ALMS1: variants seen among roughly 807,000 people sequenced by gnomAD.
The protein encoded by ALMS1 is ALMS1 centrosome and basal body associated protein, also known as centrosome-associated protein ALMS1.
ALMS1 carries 271 observed loss-of-function variants against 352.2 expected under a neutral mutation model. That is an observed-to-expected ratio of 0.77 (90% CI 0.70 to 0.85). The LOEUF is 0.85. Ranked by LOEUF, ALMS1 falls within the 40% of genes least tolerant of loss-of-function variation. ALMS1 has a pLI of 0.00. For synonymous variants in ALMS1, 1,865 were observed against 1,761.2 expected (o/e 1.06, Z -1.48); for missense variants, 5,445 against 4,870.7 (o/e 1.12, Z -3.51).
chr2:73,421,162 G>A (rs1671277053), intron 3 of ALMS1, among the ~76,000 whole-genome samples: 1 of 152,118 alleles, frequency 6.6e-6, no homozygotes, highest in South Asian at 2.1e-4. Flanking sequence ...AAATATTTAA[G>A]GAGATGCTGA....
chr2:73,419,228 G>C lies in ALMS1; in HGVS notation c.556G>C (p.Asp186His), dbSNP rs1044951470. The change falls in exon 3 of 23, where the codon GAC becomes CAC. Residue 186 changes from aspartate to histidine, a missense_variant. By Grantham distance (81) the Asp-to-His change is moderately conservative (BLOSUM62 -1). Transcript: ENST00000613296. ...GAGAACGGAAGATACTGAAGTGACA[G>C]ACTTCCCCTCTCTGGAGGAGGGCAT... ...NVRTEDTEVT[D>H]FPSLEEGILT... 1 of 1,613,866 alleles carries C rather than the reference G, an allele frequency of 6.2e-7. No homozygotes were observed. Among genetic ancestry groups the C allele is most frequent in the African/African-American group, 1.3e-5 (1 of 74,932 alleles).
At position 73,464,088 on chromosome 2, in the gene ALMS1, C is replaced by G. The variant is rs1305540262; in HGVS notation, c.7674+8793C>G. Among the ~76,000 whole-genome samples the G allele has an allele frequency of 2.0e-5, 3 of 152,312 alleles. No individual in the cohort carries two copies. In the East Asian group the frequency reaches 5.8e-4, roughly 29 times the overall value. On this transcript the variant is annotated intron_variant, in intron 9 of 22. Transcript: ENST00000613296. ...GAAAAAGAGGGAATCCTCCCTAACT[C>G]ATTTTATGAGGCCAGCATCATTCTG...
chr2:73,492,121 T>A (rs1408347641), intron 10 of ALMS1, among the ~76,000 whole-genome samples: 2 of 152,168 alleles, frequency 1.3e-5, no homozygotes, highest in African/African-American at 4.8e-5. Flanking sequence ...GTTCGTTAGA[T>A]TTATATTATT....
Position 73,600,877 on chromosome 2 carries a change from T to C in ALMS1, c.11868T>C (p.His3956=), listed in dbSNP as rs370489767. ...TAAAAAAGAACAAGAAGAATTCCCA[T>C]GAAGGTCAGTTTCTCATTCCAGATC... ...RKLKKNKKNS[H]EGVSWFVPVE... is the part of the protein sequence containing the mutation. The change falls in exon 18 of 23, where the codon CAT becomes CAC. Residue 3956 remains histidine, a synonymous_variant. Transcript: ENST00000613296. The C allele has an allele frequency of 2.1e-5, 34 of 1,613,384 alleles. No homozygotes were observed. The African/African-American group carries it at 3.3e-4, about 16-fold the overall frequency.
At chr2:73,570,635 A>T (rs17009159) in intron 15 of ALMS1, among the ~76,000 whole-genome samples, 46,136 of 152,034 alleles carry the variant, frequency 0.3, 8,562 homozygotes, top group African/African-American at 0.53. Context: ...TTTCAAGCCA[A>T]TGGAAATGAC....
At chr2:73,601,057 C>G in intron 18 of ALMS1, 138 bp from the exon 19 acceptor site, 1 of 1,468,130 alleles carries the variant, frequency 6.8e-7, no homozygotes, top group East Asian at 2.3e-5. Context: ...GCAGCAAAAC[C>G]AGACTCAAGG....
chr2:73,451,662 A>G lies in ALMS1; in HGVS notation c.5135A>G (p.Tyr1712Cys). The G allele has an allele frequency of 6.2e-7, 1 of 1,613,776 alleles. No individual in the cohort carries two copies. Among genetic ancestry groups the G allele is most frequent in the South Asian group, 1.1e-5 (1 of 91,058 alleles). Residue 1712 changes from tyrosine (Y) to cysteine (C), a missense_variant, in exon 8 of 23, where the codon TAC (tyrosine) becomes TGC (cysteine). Physicochemically the swap from Tyr to Cys is radical, Grantham distance 194. Transcript: ENST00000613296. ...TETPSVSSSL[Y>C]SYREKPIVFY... The stretch of plus-strand genomic sequence containing the variant: ...ACACCATCAGTATCCTCTAGTTTAT[A>G]CTCATATAGAGAGAAGCCCATTGTC...
At chr2:73,402,273 T>C (rs1350620940) in intron 1 of ALMS1, among the ~76,000 whole-genome samples, 27 of 142,240 alleles carry the variant, frequency 1.9e-4, no homozygotes, top group African/African-American at 7.6e-4. Context: ...TCTCTCTCTT[T>C]TTTTTTTTTT....
At chr2:73,536,873 C>T (rs1473373580) in intron 12 of ALMS1, among the ~76,000 whole-genome samples, 2 of 152,184 alleles carry the variant, frequency 1.3e-5, no homozygotes, top group African/African-American at 4.8e-5. Flanking sequence ...ATGGCCAAAT[C>T]CCACTAAGCA....
intron 20 of ALMS1, 27 bp downstream of exon 20, chr2:73,602,395 T>A (rs1490459171): frequency 6.2e-7 from 1 of 1,613,390 alleles, no homozygotes; most frequent in Non-Finnish European, 8.5e-7. Context: ...CACTTTCCTG[T>A]GAGTGGAATA....
At chr2:73,479,788 A>G (rs1672657351) in intron 9 of ALMS1, among the ~76,000 whole-genome samples, 1 of 152,172 alleles carries the variant, frequency 6.6e-6, no homozygotes, top group Non-Finnish European at 1.5e-5. Context: ...TTTTTGAAAG[A>G]CAGGCCACAC....
At chr2:73,455,064 G>A in intron 8 of ALMS1, 98 bp from the exon 9 acceptor site, 2 of 1,303,808 alleles carry the variant, frequency 1.5e-6, no homozygotes, top group Non-Finnish European at 2.2e-6. Context: ...CATTGCAGTG[G>A]GTATTAAATT....
At chr2:73,439,034 TTTTC>T (rs905736015) in intron 7 of ALMS1, among the ~76,000 whole-genome samples, 1 of 151,880 alleles carries the variant, frequency 6.6e-6, no homozygotes, top group Non-Finnish European at 1.5e-5. Context: ...TTTTCTTCTT[TTTTC>T]TTCTTCTTCT....
chr2:73,499,639 A>T (rs1326875220), intron 10 of ALMS1, among the ~76,000 whole-genome samples: 2 of 152,086 alleles, frequency 1.3e-5, no homozygotes, highest in East Asian at 3.8e-4. Flanking sequence ...TATCTCTTTT[A>T]TCCTAGCCTT....
At chr2:73,603,116 C>T (rs1038742718) in intron 20 of ALMS1, 125 bp from the exon 21 acceptor site, 4 of 851,024 alleles carry the variant, frequency 4.7e-6, no homozygotes, top group African/African-American at 3.4e-5. Context: ...GGTCATTGCT[C>T]CCCACTCAGT....
At chr2:73,519,663 C>A in intron 10 of ALMS1, 112 bp from the exon 11 acceptor site, 1 of 1,420,576 alleles carries the variant, frequency 7.0e-7, no homozygotes, top group Non-Finnish European at 9.8e-7. Flanking sequence ...GATGTGTCCA[C>A]AATATATTCC....
At chr2:73,521,532 C>A (rs1251463385) in intron 11 of ALMS1, among the ~76,000 whole-genome samples, 1 of 145,566 alleles carries the variant, frequency 6.9e-6, no homozygotes, top group Non-Finnish European at 1.5e-5. Context: ...GTCAGGAGAT[C>A]GAGACCGTCC....
intron 16 of ALMS1, among the ~76,000 whole-genome samples, chr2:73,597,036 A>G (rs2104180897): frequency 6.6e-6 from 1 of 152,184 alleles, no homozygotes; most frequent in African/African-American, 2.4e-5. Context: ...CATCCTAACA[A>G]TTTTGAGACT....
At chr2:73,522,946 T>C (rs772813578) in intron 11 of ALMS1, among the ~76,000 whole-genome samples, 7 of 152,208 alleles carry the variant, frequency 4.6e-5, no homozygotes, top group Non-Finnish European at 8.8e-5. Flanking sequence ...CTGCTCTATG[T>C]TTTGCTTTAG....
Sources: allele counts gnomAD v4.1 joint callset (sites outside exome capture counted in the v4.1 genomes callset), GRCh38; gene constraint gnomAD v4.1.1; transcripts MANE v1.5; gene names NCBI Gene and HGNC (gene_info 2026-07-23, HGNC 2026-07-21).